The following ROBO1 variants were observed in gnomAD, a reference collection of about 807,000 sequenced individuals.
The protein encoded by ROBO1 is roundabout homolog 1.
Under a neutral mutation model 195.9 loss-of-function variants are expected in ROBO1, and 149 were observed. The ratio of observed to expected loss-of-function variants is 0.76; its 90% CI spans 0.67 to 0.87. The LOEUF is 0.87. ROBO1 is among the 40% of genes least tolerant of loss of function. The pLI, the probability that ROBO1 is intolerant of heterozygous loss-of-function variation, is 0.00. For synonymous variants in ROBO1, 816 were observed against 733.2 expected (o/e 1.11, Z -1.82); for missense variants, 1,933 against 2,068.3 (o/e 0.93, Z 1.27).
intron 4 of ROBO1, among the ~76,000 whole-genome samples, chr3:78,836,216 T>A (rs1433909968): frequency 6.6e-6 from 1 of 152,140 alleles, no homozygotes; most frequent in Non-Finnish European, 1.5e-5. Flanking sequence ...ATCTTACCAT[T>A]TAAAAATTTC....
At chr3:79,083,484 T>C (rs955047577) in intron 3 of ROBO1, among the ~76,000 whole-genome samples, 2 of 152,184 alleles carry the variant, frequency 1.3e-5, no homozygotes, top group Admixed American at 6.5e-5. Context: ...TACTTGGGAA[T>C]TGCAAATAAA....
intron 7 of ROBO1, among the ~76,000 whole-genome samples, chr3:78,716,244 A>T (rs1174467471): frequency 6.6e-6 from 1 of 152,076 alleles, no homozygotes; most frequent in Non-Finnish European, 1.5e-5. Flanking sequence ...CTGTTCTCAC[A>T]CTGCTATGAA....
chr3:78,664,821 G>T (rs1231919822), intron 14 of ROBO1, among the ~76,000 whole-genome samples: 1 of 151,936 alleles, frequency 6.6e-6, no homozygotes, highest in Non-Finnish European at 1.5e-5. Context: ...TTGCCTTCTG[G>T]TCCCTCCAGT....
intron 4 of ROBO1, among the ~76,000 whole-genome samples, chr3:78,860,326 A>ATTTTTTTTT (rs1553750391): frequency 2.1e-5 from 2 of 93,506 alleles, no homozygotes; most frequent in African/African-American, 9.0e-5. Flanking sequence ...ATATATATAT[A>ATTTTTTTTT]TTTTTTTTTT....
At chr3:79,646,762 A>T (rs1469767556) in intron 1 of ROBO1, among the ~76,000 whole-genome samples, 1 of 152,124 alleles carries the variant, frequency 6.6e-6, no homozygotes, top group Non-Finnish European at 1.5e-5. Context: ...TCACAGAAAC[A>T]TGGGTAGAAC....
chr3:78,750,639 G>A (rs2082769780), intron 4 of ROBO1, among the ~76,000 whole-genome samples: 1 of 151,966 alleles, frequency 6.6e-6, no homozygotes, highest in Non-Finnish European at 1.5e-5. Context: ...AAAATTCAGT[G>A]GTGTCTTTGC....
At chr3:79,333,887 TA>T (rs2034550635) in intron 2 of ROBO1, among the ~76,000 whole-genome samples, 1 of 152,202 alleles carries the variant, frequency 6.6e-6, no homozygotes, top group South Asian at 2.1e-4. Flanking sequence ...TTGTAAGAAT[TA>T]AATGAGTAAG....
At chr3:78,681,839 T>A (rs1397213189) in intron 10 of ROBO1, among the ~76,000 whole-genome samples, 1 of 151,972 alleles carries the variant, frequency 6.6e-6, no homozygotes, top group African/African-American at 2.4e-5. Flanking sequence ...GAGGCGGAGC[T>A]TACAGTGAGC....
intron 2 of ROBO1, among the ~76,000 whole-genome samples, chr3:79,560,558 T>TATATATATATATAGATATATAC (rs5850439): frequency 7.7e-6 from 1 of 129,702 alleles, no homozygotes; most frequent in African/African-American, 3.0e-5. Flanking sequence ...TATATATATA[T>TATATATATATATAGATATATAC]ACACATACAC....
chr3:78,758,889 A>G (rs979301435), intron 4 of ROBO1: 1 of 152,210 alleles, frequency 6.6e-6, no homozygotes, highest in Admixed American at 6.5e-5. Context: ...CCTGTGAGGC[A>G]ATGGGAAGAA....
At chr3:79,310,402 T>C (rs2033428922) in intron 2 of ROBO1, among the ~76,000 whole-genome samples, 1 of 152,184 alleles carries the variant, frequency 6.6e-6, no homozygotes, top group Admixed American at 6.6e-5. Flanking sequence ...AGCCAAATAA[T>C]GCACCTCACT....
intron 3 of ROBO1, among the ~76,000 whole-genome samples, chr3:79,028,466 A>G (rs751144741): frequency 3.5e-4 from 53 of 152,052 alleles, no homozygotes; most frequent in Admixed American, 1.6e-3. Flanking sequence ...AAATACATGT[A>G]ACTAGTCTCC....
chr3:78,748,921 A>G (rs1032809188), intron 4 of ROBO1, among the ~76,000 whole-genome samples: 2 of 152,216 alleles, frequency 1.3e-5, no homozygotes, highest in Non-Finnish European at 1.5e-5. Context: ...AATACTATTC[A>G]GTATTAATAA....
Position 78,598,757 on chromosome 3 carries a change from A to G in ROBO1, c.*156T>C, listed in dbSNP as rs552217155. 112 of 486,344 alleles carry G rather than the reference A, an allele frequency of 2.3e-4. No homozygotes were observed. The highest frequency in any genetic ancestry group is 1.8e-3 in the African/African-American group (93 of 50,990). 30.1% of individuals were successfully genotyped at this position (486,344 alleles called of 1,614,324 possible). On this transcript the variant is annotated 3_prime_UTR_variant, in exon 31 of 31. Coordinates refer to ENST00000464233, the MANE Select transcript of ROBO1 (RefSeq NM_002941.4). The stretch of plus-strand genomic sequence containing the variant: ...CAAACAACAACAATAAAAACCCAAT[A>G]AAGTTTTTAAAATGATATCCCAATA...
intron 1 of ROBO1, among the ~76,000 whole-genome samples, chr3:79,696,440 A>G (rs1947450331): frequency 1.4e-5 from 2 of 147,320 alleles, no homozygotes; most frequent in African/African-American, 4.9e-5. Context: ...ATTTAGATGA[A>G]AATAATATAT....
intron 3 of ROBO1, among the ~76,000 whole-genome samples, chr3:78,995,308 T>G (rs548331562): frequency 1.3e-5 from 2 of 152,184 alleles, no homozygotes; most frequent in South Asian, 4.1e-4. Flanking sequence ...AAGGGTGATA[T>G]CTTATCACTC....
intron 2 of ROBO1, among the ~76,000 whole-genome samples, chr3:79,337,194 G>T (rs2034709552): frequency 6.6e-6 from 1 of 152,154 alleles, no homozygotes; most frequent in South Asian, 2.1e-4. Flanking sequence ...AAGACTTTGG[G>T]GGACTGTTGG....
chr3:79,357,511 T>C (rs2035604634), intron 2 of ROBO1, among the ~76,000 whole-genome samples: 1 of 152,166 alleles, frequency 6.6e-6, no homozygotes, highest in South Asian at 2.1e-4. Flanking sequence ...TTATAATTTC[T>C]ACAATTATCC....
intron 3 of ROBO1, among the ~76,000 whole-genome samples, chr3:79,040,724 C>T (rs2108331094): frequency 6.6e-6 from 1 of 152,292 alleles, no homozygotes; most frequent in Non-Finnish European, 1.5e-5. Flanking sequence ...TACACTAGAA[C>T]TTAGTTTTTA....
Sources: allele counts gnomAD v4.1 joint callset (sites outside exome capture counted in the v4.1 genomes callset), GRCh38; gene constraint gnomAD v4.1.1; transcripts MANE v1.5; gene names NCBI Gene and HGNC (gene_info 2026-07-23, HGNC 2026-07-21).